UBA5: variants seen among roughly 807,000 people sequenced by gnomAD.
UBA5 encodes ubiquitin-like modifier-activating enzyme 5.
UBA5 carries 28 observed loss-of-function variants against 52.9 expected under a neutral mutation model. The observed-to-expected ratio is 0.53, with a 90% CI of 0.39 to 0.73. UBA5 has a LOEUF of 0.73. Among genes scored for constraint, UBA5 ranks in the 30% least tolerant of loss-of-function variants. The pLI, the probability that UBA5 is intolerant of heterozygous loss-of-function variation, is 0.00. For missense variants in UBA5, 388 were observed against 492.7 expected (o/e 0.79, Z 2.01); for synonymous variants, 135 against 162.1 (o/e 0.83, Z 1.27).
At chr3:132,674,122 A>C (rs1938726802) in intron 8 of UBA5, among the ~76,000 whole-genome samples, 1 of 152,154 alleles carries the variant, frequency 6.6e-6, no homozygotes, top group South Asian at 2.1e-4. Flanking sequence ...GTAATCTGTC[A>C]TTCTGGTGGG....
intron 1 of UBA5, among the ~76,000 whole-genome samples, chr3:132,663,483 T>A (rs1938251002): frequency 6.6e-6 from 1 of 152,146 alleles, no homozygotes; most frequent in Admixed American, 6.5e-5. Flanking sequence ...ACATACTGAG[T>A]GTCGAGACTC....
chr3:132,665,700 C>A, intron 1 of UBA5, 123 bp from the exon 2 acceptor site: 1 of 969,144 alleles, frequency 1.0e-6, no homozygotes, highest in South Asian at 1.7e-5. Flanking sequence ...AAGCATCCTC[C>A]TCTTTGAAAC....
At chr3:132,666,599 G>A (rs1938389049) in intron 3 of UBA5, among the ~76,000 whole-genome samples, 1 of 152,046 alleles carries the variant, frequency 6.6e-6, no homozygotes, top group Non-Finnish European at 1.5e-5. Context: ...TAAAGCCAGA[G>A]TCTATGATGT....
chr3:132,663,593 A>C (rs1021841470), intron 1 of UBA5, among the ~76,000 whole-genome samples: 1 of 152,166 alleles, frequency 6.6e-6, no homozygotes, highest in African/African-American at 2.4e-5. Flanking sequence ...TGATAGAGCC[A>C]AGAGGAAAGA....
chr3:132,671,112 A>G, intron 6 of UBA5, 63 bp downstream of exon 6: 1 of 1,386,752 alleles, frequency 7.2e-7, no homozygotes, highest in Non-Finnish European at 1.0e-6. Flanking sequence ...ATATTCTATC[A>G]GTATATAATC....
Position 132,678,096 on chromosome 3 carries a change from T to G in UBA5, c.*1570T>G, listed in dbSNP as rs1394384468. 6.6e-6 allele frequency: 1 copy of G among 152,246 alleles called. No homozygotes were observed. Among genetic ancestry groups the G allele is most frequent in the Non-Finnish European group, 1.5e-5 (1 of 68,032 alleles). The allele number at this position is 152,246 out of a possible 1,614,324, so 9.4% of individuals were successfully genotyped here. ...TAAAATTTTACAATTTGATAAAGTA[T>G]CACATCTAGAATTCACTGTCTTCTT... On this transcript the variant is annotated 3_prime_UTR_variant, in exon 12 of 12. Transcript: ENST00000356232.
chr3:132,657,939 T>C (rs1308849006), upstream of UBA5, among the ~76,000 whole-genome samples: 4 of 148,842 alleles, frequency 2.7e-5, no homozygotes, highest in African/African-American at 7.4e-5. Flanking sequence ...CTTGGCTCAC[T>C]GCAACCTCCC....
Position 132,660,782 on chromosome 3 carries a change from C to T in UBA5, c.161+84C>T. On this transcript the variant is annotated intron_variant, in intron 1 of 11. Transcript: ENST00000356232. This position sits in a 1 kb window ranked among gnomAD's most constrained non-coding sequence, Gnocchi z 4.1. ...CAGAAGTGAGGCGCTTCCCACGTCCCGCTCATGGGGACGCCCGCCACCCTT... is the reference window on the plus strand; with the variant it reads ...CAGAAGTGAGGCGCTTCCCACGTCCTGCTCATGGGGACGCCCGCCACCCTT... 2 of 1,450,890 alleles carry T rather than the reference C, an allele frequency of 1.4e-6. No individual in the cohort carries two copies. The highest frequency in any genetic ancestry group is 1.8e-6 in the Non-Finnish European group (2 of 1,098,702). The allele number at this position is 1,450,890 out of a possible 1,614,324, so 89.9% of individuals were successfully genotyped here. A position where few individuals can be genotyped will look rare whatever the true frequency, so the allele number is the denominator to read the frequency against.
At chr3:132,662,726 T>G (rs561854761) in intron 1 of UBA5, among the ~76,000 whole-genome samples, 1 of 152,144 alleles carries the variant, frequency 6.6e-6, no homozygotes, top group African/African-American at 2.4e-5. Flanking sequence ...GTTATAAGCA[T>G]GTGGAAAAAT....
At chr3:132,663,121 A>T (rs993304937) in intron 1 of UBA5, among the ~76,000 whole-genome samples, 1 of 152,286 alleles carries the variant, frequency 6.6e-6, no homozygotes, top group East Asian at 1.9e-4. Flanking sequence ...AAGGTAACTG[A>T]TTTAATAGAT....
chr3:132,662,074 A>G (rs1938193032), intron 1 of UBA5, among the ~76,000 whole-genome samples: 1 of 152,256 alleles, frequency 6.6e-6, no homozygotes, highest in East Asian at 1.9e-4. Flanking sequence ...TCATGAATTT[A>G]AGTTGTCTTT....
chr3:132,670,087 C>T (rs1938538611), intron 4 of UBA5, 111 bp from the exon 5 acceptor site: 2 of 617,872 alleles, frequency 3.2e-6, no homozygotes, highest in Non-Finnish European at 2.9e-6. Flanking sequence ...GCAGTGGGTG[C>T]GATGATAGCT....
intron 1 of UBA5, 83 bp from the exon 2 acceptor site, chr3:132,665,740 T>C: frequency 3.7e-6 from 5 of 1,336,864 alleles, no homozygotes; most frequent in Non-Finnish European, 5.3e-6. Flanking sequence ...TTGGTGTTTA[T>C]TTTCTGTGAT....
upstream of UBA5, among the ~76,000 whole-genome samples, chr3:132,656,849 GTT>G (rs200968218): frequency 9.8e-4 from 141 of 143,974 alleles, 1 homozygote; most frequent in Middle Eastern, 3.6e-3. Flanking sequence ...TCATTGTGTT[GTT>G]TTTTTTTTTT....
chr3:132,664,285 A>C (rs534372868), intron 1 of UBA5, among the ~76,000 whole-genome samples: 4 of 152,202 alleles, frequency 2.6e-5, no homozygotes, highest in Non-Finnish European at 5.9e-5. Flanking sequence ...GACAATTCTA[A>C]CTTTAGACTT....
intron 1 of UBA5, among the ~76,000 whole-genome samples, chr3:132,663,884 A>G (rs1273614812): frequency 6.6e-6 from 1 of 152,196 alleles, no homozygotes; most frequent in African/African-American, 2.4e-5. Flanking sequence ...CAAGGTGCAA[A>G]GTATTTAGAT....
chr3:132,666,022 T>C lies in UBA5; in HGVS notation c.246T>C (p.Gly82=). 1 of 1,613,700 alleles carries C rather than the reference T, an allele frequency of 6.2e-7. No homozygotes were observed. The highest frequency in any genetic ancestry group is 8.5e-7 in the Non-Finnish European group (1 of 1,179,642). Residue 82 remains glycine (G), a synonymous_variant, in exon 3 of 12, where the codon GGT becomes GGC. Coordinates refer to ENST00000356232, the MANE Select transcript of UBA5 (RefSeq NM_024818.6). ...TTGCCGTAGCAATAGTAGGTGTTGG[T>C]GGAGTAGGTAGTGTGACTGCTGAAA... is the stretch of plus-strand genomic sequence containing the variant. ...RTFAVAIVGV[G]GVGSVTAEML... is the part of the protein sequence containing the mutation.
chr3:132,659,893 C>T, upstream of UBA5: 1 of 1,042,504 alleles, frequency 9.6e-7, no homozygotes, highest in Non-Finnish European at 1.3e-6. Context: ...ACAGCCTACG[C>T]GCCGTTGCTG....
intron 1 of UBA5, among the ~76,000 whole-genome samples, chr3:132,662,196 T>C (rs1938199310): frequency 6.6e-6 from 1 of 152,230 alleles, no homozygotes. Context: ...ATTGACTTTA[T>C]TAAAATTGCT....
Sources: gnomAD v4.1 joint callset for allele counts (sites outside exome capture counted in the v4.1 genomes callset) on GRCh38, gnomAD v4.1.1 for gene constraint, Gnocchi (gnomAD v3.1) non-coding constraint, MANE v1.5 for transcripts, NCBI Gene and HGNC (gene_info 2026-07-23, HGNC 2026-07-21) for gene names.